Variants in ARHGEF6 observed in about 807,000 individuals in gnomAD.
The protein encoded by ARHGEF6 is rho guanine nucleotide exchange factor 6.
A neutral mutation model predicts 70.3 loss-of-function variants in ARHGEF6; 9 were observed. The ratio of observed to expected loss-of-function variants is 0.13; its 90% CI spans 0.08 to 0.22. ARHGEF6 has a LOEUF of 0.22. ARHGEF6 is among the 10% of genes least tolerant of loss of function. The pLI is 1.00. For missense variants in ARHGEF6, 470 were observed against 563.0 expected (o/e 0.83, Z 1.67); for synonymous variants, 201 against 207.8 (o/e 0.97, Z 0.28).
chrX:136,771,565 A>G (rs2148685749), intron 2 of ARHGEF6, among the ~76,000 whole-genome samples: 1 of 112,486 alleles, frequency 8.9e-6, no homozygotes, highest in Non-Finnish European at 1.9e-5. Flanking sequence ...CTCCTACCAT[A>G]TACAAAAATT....
chrX:136,686,627 T>TATAC (rs2076395904), intron 11 of ARHGEF6, among the ~76,000 whole-genome samples: 1 of 52,309 alleles, frequency 1.9e-5, no homozygotes, highest in Non-Finnish European at 3.1e-5. Flanking sequence ...TATATACACA[T>TATAC]ATATATATAT....
intron 17 of ARHGEF6, 39 bp from the exon 18 acceptor site, chrX:136,676,756 C>T (rs1204809851): frequency 1.0e-6 from 1 of 993,998 alleles, no homozygotes; most frequent in Admixed American, 2.2e-5. Context: ...TAAAATTCTC[C>T]CTCAAAAACA....
intron 21 of ARHGEF6, 69 bp downstream of exon 21, chrX:136,669,413 A>C: frequency 9.7e-7 from 1 of 1,029,995 alleles, no homozygotes; most frequent in Non-Finnish European, 1.4e-6. Context: ...CCCTGAAAGC[A>C]TGAGCAGCGT....
intron 9 of ARHGEF6, among the ~76,000 whole-genome samples, chrX:136,692,639 GACA>G (rs1411346569): frequency 1.8e-5 from 2 of 111,975 alleles, no homozygotes; most frequent in Admixed American, 9.4e-5. Context: ...CTTGTTTAAT[GACA>G]ACAACATTTC....
At position 136,703,092 on chromosome X, in the gene ARHGEF6, A is replaced by G. The variant is rs571807314; in HGVS notation, c.1046+3816T>C. On this transcript the variant is annotated intron_variant, in intron 9 of 21. Transcript: ENST00000250617. ...GCACAAATTAACTCAAAATTAATTA[A>G]AGACCTAAATATAAAAGCTAAGATT... is the stretch of plus-strand genomic sequence containing the variant. Among the ~76,000 whole-genome samples the G allele has an allele frequency of 1.9e-4, 21 of 112,122 alleles. No homozygotes were observed. The South Asian group carries it at 7.8e-3, about 42-fold the overall frequency.
chrX:136,754,252 G>C (rs894822568), intron 2 of ARHGEF6, among the ~76,000 whole-genome samples: 1 of 111,035 alleles, frequency 9.0e-6, no homozygotes, highest in African/African-American at 3.3e-5. Flanking sequence ...AGGCATCTTA[G>C]TGGGGCCAGT....
chrX:136,722,193 A>C (rs1488711789), intron 6 of ARHGEF6, among the ~76,000 whole-genome samples: 2 of 112,003 alleles, frequency 1.8e-5, no homozygotes, highest in Non-Finnish European at 3.8e-5. Context: ...AAACTAACTC[A>C]AAATGGATTT....
intron 2 of ARHGEF6, among the ~76,000 whole-genome samples, chrX:136,748,965 C>A (rs930174764): frequency 1.8e-5 from 2 of 111,704 alleles, no homozygotes; most frequent in African/African-American, 6.5e-5. Flanking sequence ...ACAAGTCTGC[C>A]TATTCTAGGA....
intron 6 of ARHGEF6, among the ~76,000 whole-genome samples, chrX:136,727,325 T>TTCTTTTTCTTTCTTTCTTTCTTTCTTTC (rs1556284733): frequency 4.9e-5 from 3 of 61,112 alleles, no homozygotes; most frequent in Non-Finnish European, 6.4e-5. Flanking sequence ...CTTTCTTTCT[T>TTCTTTTTCTTTCTTTCTTTCTTTCTTTC]TTTCTTTCTT....
chrX:136,779,459 G>A lies in ARHGEF6; in HGVS notation c.204C>T (p.Asn68=). The change falls in exon 2 of 22, where the codon AAC becomes AAT. Residue 68 remains asparagine (N), a synonymous_variant. Transcript: ENST00000250617. ...LDPQTEADCI[N]NINDFLKGCA... is the part of the protein sequence containing the mutation. ...ATCCTTTCAGGAAGTCATTGATGTT[G>A]TTGATGCAGTCAGCTTCAGTTTGGG... 2.9e-5 allele frequency: 35 copies of A among 1,211,430 alleles called. No individual in the cohort carries two copies. The highest frequency in any genetic ancestry group is 3.8e-5 in the Non-Finnish European group (34 of 895,179).
intron 6 of ARHGEF6, among the ~76,000 whole-genome samples, chrX:136,719,126 G>C (rs2076770008): frequency 9.2e-6 from 1 of 108,157 alleles, no homozygotes; most frequent in South Asian, 3.9e-4. Context: ...CCAACAAGCA[G>C]AAAATCAGTA....
chrX:136,710,330 C>CATACAT (rs747992259), intron 7 of ARHGEF6, among the ~76,000 whole-genome samples: 2 of 87,556 alleles, frequency 2.3e-5, no homozygotes, highest in East Asian at 7.9e-4. Context: ...ATATATTATA[C>CATACAT]ATATATATAT....
At chrX:136,749,308 T>C (rs2077127968) in intron 2 of ARHGEF6, among the ~76,000 whole-genome samples, 1 of 110,989 alleles carries the variant, frequency 9.0e-6, no homozygotes, top group Non-Finnish European at 1.9e-5. Context: ...ACTGGGAAAA[T>C]GTTAATGACA....
At chrX:136,763,426 C>T (rs1035151338) in intron 2 of ARHGEF6, among the ~76,000 whole-genome samples, 7 of 112,105 alleles carry the variant, frequency 6.2e-5, no homozygotes, top group Admixed American at 3.8e-4. Flanking sequence ...TCCTTTGCAG[C>T]CCAGATCTTC....
At position 136,707,040 on chromosome X, in the gene ARHGEF6, A is replaced by G; in HGVS notation, c.924-10T>C. On this transcript the variant is annotated splice_polypyrimidine_tract_variant and intron_variant, in intron 8 of 21. Transcript: ENST00000250617. ...CTGGTTTTCTGGAAACCTGTAAACA[A>G]AATGGACAAAACACAGAATGTAAAA... 1 of 1,210,203 alleles carries G rather than the reference A, an allele frequency of 8.3e-7. No homozygotes were observed. The highest frequency in any genetic ancestry group is 1.1e-6 in the Non-Finnish European group (1 of 894,007).
intron 17 of ARHGEF6, 140 bp downstream of exon 17, chrX:136,677,796 A>G: frequency 2.2e-6 from 1 of 460,683 alleles, no homozygotes; most frequent in Non-Finnish European, 3.7e-6. Context: ...AAGTACTTAC[A>G]TGTCAAAATT....
intron 6 of ARHGEF6, among the ~76,000 whole-genome samples, chrX:136,717,818 C>A (rs2076752299): frequency 9.0e-6 from 1 of 111,149 alleles, no homozygotes; most frequent in Non-Finnish European, 1.9e-5. Flanking sequence ...CTGGGACTAG[C>A]TATCAAGGCA....
chrX:136,741,410 A>G (rs941615723), intron 5 of ARHGEF6, among the ~76,000 whole-genome samples: 20 of 111,857 alleles, frequency 1.8e-4, no homozygotes, highest in Non-Finnish European at 3.6e-4. Context: ...TTACTTTATT[A>G]TAAGAACACA....
intron 2 of ARHGEF6, among the ~76,000 whole-genome samples, chrX:136,773,203 G>T (rs761943826): frequency 2.7e-5 from 3 of 111,639 alleles, no homozygotes; most frequent in Non-Finnish European, 3.8e-5. Context: ...ATTTCAAGCC[G>T]GTATGCTTTC....
Sources: gnomAD v4.1 joint callset for allele counts (sites outside exome capture counted in the v4.1 genomes callset) on GRCh38, gnomAD v4.1.1 for gene constraint, MANE v1.5 for transcripts, NCBI Gene and HGNC (gene_info 2026-07-23, HGNC 2026-07-21) for gene names.